Variants in DPY19L3 observed in about 807,000 individuals in gnomAD.
DPY19L3 encodes dpy-19 like C-mannosyltransferase 3.
A neutral mutation model predicts 92.3 loss-of-function variants in DPY19L3; 51 were observed. That is an observed-to-expected ratio of 0.55 (90% CI 0.44 to 0.70). DPY19L3 has a LOEUF of 0.70. Among genes scored for constraint, DPY19L3 ranks in the 30% least tolerant of loss-of-function variants. DPY19L3 has a pLI of 0.00. For synonymous variants in DPY19L3, 309 were observed against 315.2 expected (o/e 0.98, Z 0.21); for missense variants, 706 against 855.9 (o/e 0.82, Z 2.18).
At chr19:32,467,850 T>C (rs1049515067) in intron 15 of DPY19L3, 5 of 982,792 alleles carry the variant, frequency 5.1e-6, no homozygotes, top group African/African-American at 3.5e-5. Context: ...ACTTAAGATA[T>C]TAGATAAGTG....
chr19:32,478,649 A>T (rs1434685694), intron 17 of DPY19L3, among the ~76,000 whole-genome samples: 2 of 152,198 alleles, frequency 1.3e-5, no homozygotes, highest in African/African-American at 4.8e-5. Flanking sequence ...CCATTTTTAC[A>T]GAAGAAGTGG....
In DPY19L3 at chr19:32,456,704, G is replaced by A. The variant is rs139301053; in HGVS notation, c.1090-1396G>A. ...CCACTTCAGCCTCCCACAGTGCTAGGATTACAGACACGAGCTGCTGCACTC... is the reference window on the plus strand; with the variant it reads ...CCACTTCAGCCTCCCACAGTGCTAGAATTACAGACACGAGCTGCTGCACTC... On this transcript the variant is annotated intron_variant, in intron 10 of 18. Coordinates refer to ENST00000392250, the MANE Select transcript of DPY19L3 (RefSeq NM_001172774.2). Among the ~76,000 whole-genome samples, 135 of 152,218 alleles carry A rather than the reference G, an allele frequency of 8.9e-4. 2 individuals are homozygous for A. The Middle Eastern group carries it at 0.024, about 27-fold the overall frequency.
Position 32,437,184 on chromosome 19 carries a change from C to T in DPY19L3, c.451-10C>T. ...ACCTGACAAACATGTTTTATTGTTC[C>T]CTTTTACAGAAATATTTAGAGCCAG... On this transcript the variant is annotated splice_polypyrimidine_tract_variant and intron_variant, in intron 5 of 18. Transcript: ENST00000392250. 1 of 1,613,578 alleles carries T rather than the reference C, an allele frequency of 6.2e-7. No individual in the cohort carries two copies. Among genetic ancestry groups the T allele is most frequent in the Non-Finnish European group, 8.5e-7 (1 of 1,179,824 alleles).
At chr19:32,438,096 G>A (rs1241074580) in intron 6 of DPY19L3, among the ~76,000 whole-genome samples, 2 of 152,128 alleles carry the variant, frequency 1.3e-5, no homozygotes, top group South Asian at 2.1e-4. Flanking sequence ...ACTATTATAA[G>A]CAGTAGAGCC....
chr19:32,422,963 A>G (rs971853143), intron 3 of DPY19L3, among the ~76,000 whole-genome samples: 2 of 152,232 alleles, frequency 1.3e-5, no homozygotes, highest in South Asian at 2.1e-4. Flanking sequence ...AAAGTGATTT[A>G]CACATTTTAA....
intron 3 of DPY19L3, among the ~76,000 whole-genome samples, chr19:32,428,292 G>A (rs904269299): frequency 1.3e-5 from 2 of 151,978 alleles, no homozygotes; most frequent in African/African-American, 2.4e-5. Context: ...ACTTTTTTAC[G>A]TGAGTTGTTC....
At chr19:32,407,216 C>T (rs1283702867) in intron 1 of DPY19L3, among the ~76,000 whole-genome samples, 2 of 151,420 alleles carry the variant, frequency 1.3e-5, no homozygotes, top group Non-Finnish European at 2.9e-5. Context: ...TTACTCACTG[C>T]CACCACTCCC....
Position 32,468,807 on chromosome 19 carries a change from G to A in DPY19L3, c.1691G>A (p.Trp564Ter). The A allele has an allele frequency of 6.2e-7, 1 of 1,612,762 alleles. No homozygotes were observed. The highest frequency in any genetic ancestry group is 8.5e-7 in the Non-Finnish European group (1 of 1,179,420). ...YDPDTVELMNWINSNTPRKAV... is the reference protein window; with the variant it reads ...YDPDTVELMN ...CCAGATACAGTGGAGCTGATGAACTGGATTAAGTAAGAGGATTTTTTTTAA... is the reference window on the plus strand; with the variant it reads ...CCAGATACAGTGGAGCTGATGAACTAGATTAAGTAAGAGGATTTTTTTTAA... Residue 564 changes from tryptophan (W) to a stop codon, truncating the protein, a stop_gained, in exon 16 of 19, where the codon TGG (tryptophan) becomes TAG (stop). Transcript: ENST00000392250. LOFTEE classifies it high-confidence loss of function.
At chr19:32,447,104 G>A (rs111805671) in intron 8 of DPY19L3, among the ~76,000 whole-genome samples, 36 of 152,236 alleles carry the variant, frequency 2.4e-4, no homozygotes, top group African/African-American at 8.7e-4. Context: ...TACATCTATA[G>A]TAGTAATAGC....
chr19:32,431,867 C>T (rs138403070), intron 3 of DPY19L3, among the ~76,000 whole-genome samples: 1,724 of 152,156 alleles, frequency 0.011, 18 homozygotes, highest in Middle Eastern at 0.031. Context: ...TATACTTATT[C>T]GTACATAAGT....
intron 8 of DPY19L3, 104 bp downstream of exon 8, chr19:32,440,014 T>C: frequency 6.9e-7 from 1 of 1,455,262 alleles, no homozygotes; most frequent in East Asian, 2.4e-5. Context: ...AAATTGAAGC[T>C]GTTTCTTAGA....
chr19:32,463,535 G>C, intron 13 of DPY19L3, 47 bp downstream of exon 13: 1 of 1,577,538 alleles, frequency 6.3e-7, no homozygotes, highest in Non-Finnish European at 8.6e-7. Flanking sequence ...GATCACTCTT[G>C]ATGTTACTTA....
chr19:32,480,916 T>C (rs1400959661), intron 18 of DPY19L3: 1 of 425,506 alleles, frequency 2.4e-6, no homozygotes, highest in Non-Finnish European at 4.1e-6. Context: ...ACGCTTCGTA[T>C]TGGCTAGCTG....
chr19:32,476,383 A>G (rs1375463517), intron 16 of DPY19L3, among the ~76,000 whole-genome samples: 1 of 152,132 alleles, frequency 6.6e-6, no homozygotes, highest in East Asian at 1.9e-4. Context: ...GACTCCTCTC[A>G]ATGCAAGAAG....
At chr19:32,460,452 A>G (rs1294966570) in intron 12 of DPY19L3, among the ~76,000 whole-genome samples, 5 of 152,106 alleles carry the variant, frequency 3.3e-5, no homozygotes, top group African/African-American at 4.8e-5. Flanking sequence ...AACATTGTAT[A>G]CCTATATAGG....
chr19:32,417,266 C>T (rs556466646), intron 3 of DPY19L3, among the ~76,000 whole-genome samples: 2 of 152,274 alleles, frequency 1.3e-5, no homozygotes, highest in Non-Finnish European at 1.5e-5. Flanking sequence ...ATCATGGGGG[C>T]GGGCCTTTCC....
At chr19:32,469,321 AC>A (rs1181021548) in intron 16 of DPY19L3, among the ~76,000 whole-genome samples, 4 of 151,768 alleles carry the variant, frequency 2.6e-5, no homozygotes, top group African/African-American at 9.7e-5. Flanking sequence ...ACATGATGAA[AC>A]CCCGTCTGTC....
At chr19:32,441,863 A>T (rs1401670688) in intron 8 of DPY19L3, among the ~76,000 whole-genome samples, 2 of 152,216 alleles carry the variant, frequency 1.3e-5, no homozygotes, top group Non-Finnish European at 2.9e-5. Context: ...ACAACATTTT[A>T]AAATAATATA....
rs753532974 is a variant in DPY19L3 at position 32,458,450 on chromosome 19, C to T, written c.1263C>T (p.Tyr421=). The T allele has an allele frequency of 3.7e-6, 6 of 1,613,868 alleles. No individual in the cohort carries two copies. Among genetic ancestry groups the T allele is most frequent in the South Asian group, 2.2e-5 (2 of 91,068 alleles). Residue 421 remains tyrosine, a synonymous_variant, in exon 12 of 19, where the codon TAC becomes TAT. Coordinates refer to ENST00000392250, the MANE Select transcript of DPY19L3 (RefSeq NM_001172774.2). The part of the protein sequence containing the change: ...RLSDTLLFYA[Y]IFVLSITVIV... ...CAGATACTCTGCTTTTTTATGCTTA[C>T]ATATTCGTTCTGTCCATCACAGTGA...
Sources: allele counts gnomAD v4.1 joint callset (sites outside exome capture counted in the v4.1 genomes callset), GRCh38; gene constraint gnomAD v4.1.1; transcripts MANE v1.5; gene names NCBI Gene and HGNC (gene_info 2026-07-23, HGNC 2026-07-21).